The following CNGB1 variants were observed in gnomAD, a reference collection of about 807,000 sequenced individuals.
CNGB1 encodes the protein cyclic nucleotide-gated channel beta-1.
CNGB1 carries 126 observed loss-of-function variants against 151.7 expected under a neutral mutation model. That is an observed-to-expected ratio of 0.83 (90% CI 0.72 to 0.96). The LOEUF is 0.96. CNGB1 is among the 40% of genes least tolerant of loss of function. The pLI is 0.00. For synonymous variants in CNGB1, 623 were observed against 635.1 expected (o/e 0.98, Z 0.29); for missense variants, 1,698 against 1,627.0 (o/e 1.04, Z -0.75).
intron 15 of CNGB1, 44 bp from the exon 16 acceptor site, chr16:57,939,636 C>T (rs1961610401): frequency 3.1e-6 from 5 of 1,613,334 alleles, no homozygotes; most frequent in Middle Eastern, 1.6e-4. Context: ...CCATCAGCCC[C>T]CAGCCCTAGT....
At chr16:57,930,554 G>A (rs1961318126) in intron 17 of CNGB1, among the ~76,000 whole-genome samples, 2 of 133,484 alleles carry the variant, frequency 1.5e-5, no homozygotes, top group Admixed American at 1.5e-4. Context: ...GGGAGAGAGA[G>A]GGGAAGGAGG....
Position 57,950,614 on chromosome 16 carries a change from C to A in CNGB1, c.875-74G>T, listed in dbSNP as rs370794133. On this transcript the variant is annotated intron_variant, in intron 12 of 32. Coordinates refer to ENST00000251102, the MANE Select transcript of CNGB1 (RefSeq NM_001297.5). ...GCTTGGGCCTCTGAGTCCCAGGGAGCCTGCAGGGAGCCCTGGCTGTCGCCA... is the reference window on the plus strand; with the variant it reads ...GCTTGGGCCTCTGAGTCCCAGGGAGACTGCAGGGAGCCCTGGCTGTCGCCA... The A allele has an allele frequency of 2.6e-6, 4 of 1,558,870 alleles. No individual in the cohort carries two copies. The South Asian group carries it at 4.5e-5, about 17-fold the overall frequency.
At chr16:57,960,763 G>A in intron 8 of CNGB1, 77 bp downstream of exon 8, 9 of 1,448,496 alleles carry the variant, frequency 6.2e-6, no homozygotes, top group Non-Finnish European at 7.7e-6. Context: ...ACAGCCTGCT[G>A]GAGGAGGCAG....
At chr16:57,949,669 C>T (rs534806668) in intron 13 of CNGB1, among the ~76,000 whole-genome samples, 1 of 152,186 alleles carries the variant, frequency 6.6e-6, no homozygotes, top group Non-Finnish European at 1.5e-5. Flanking sequence ...GGTGGTGACC[C>T]TAGGTCAGCC....
intron 12 of CNGB1, among the ~76,000 whole-genome samples, chr16:57,951,994 G>A (rs1878694085): frequency 6.6e-6 from 1 of 152,224 alleles, no homozygotes; most frequent in African/African-American, 2.4e-5. Context: ...GGCCAGGGAG[G>A]CTCCTCCAAG....
intron 12 of CNGB1, chr16:57,954,673 G>A: frequency 1.0e-6 from 1 of 983,078 alleles, no homozygotes. Context: ...TGCAATCACA[G>A]GTTTGATGTG....
chr16:57,899,103 T>C (rs1960314105), intron 29 of CNGB1, among the ~76,000 whole-genome samples: 1 of 152,084 alleles, frequency 6.6e-6, no homozygotes, highest in Admixed American at 6.5e-5. Flanking sequence ...CAGCTTGTGG[T>C]GGAGTTGCAC....
intron 31 of CNGB1, among the ~76,000 whole-genome samples, chr16:57,891,799 C>T (rs1483720791): frequency 6.6e-6 from 1 of 152,044 alleles, no homozygotes. Context: ...TCAGGTGATC[C>T]ACCCACCTCA....
At chr16:57,921,912 A>G (rs3784900) in intron 18 of CNGB1, among the ~76,000 whole-genome samples, 23,500 of 152,200 alleles carry the variant, frequency 0.15, 2,048 homozygotes, top group Middle Eastern at 0.31. Context: ...TTTGAGGTCC[A>G]TTTGAGGTCC....
intron 17 of CNGB1, among the ~76,000 whole-genome samples, chr16:57,927,930 C>T (rs767830141): frequency 6.6e-6 from 1 of 152,220 alleles, no homozygotes; most frequent in Non-Finnish European, 1.5e-5. Context: ...GAAACTGTGT[C>T]TCTTTTCTCT....
intron 17 of CNGB1, among the ~76,000 whole-genome samples, chr16:57,928,795 G>A (rs1360975878): frequency 2.0e-5 from 3 of 152,106 alleles, no homozygotes; most frequent in Admixed American, 2.0e-4. Flanking sequence ...GTGCCACCAT[G>A]CCCAGCTAAT....
chr16:57,923,049 C>G, intron 18 of CNGB1: 1 of 428,024 alleles, frequency 2.3e-6, no homozygotes. Context: ...CACTGCTGGC[C>G]GTGGACACAG....
At chr16:57,911,080 G>C (rs777555169) in intron 25 of CNGB1, among the ~76,000 whole-genome samples, 19 of 152,192 alleles carry the variant, frequency 1.2e-4, no homozygotes, top group Non-Finnish European at 2.6e-4. Context: ...CTGGGGAGCT[G>C]TGCTGGGGAG....
At chr16:57,920,906 AT>A (rs1961013575) in intron 18 of CNGB1, among the ~76,000 whole-genome samples, 1 of 152,190 alleles carries the variant, frequency 6.6e-6, no homozygotes, top group Non-Finnish European at 1.5e-5. Flanking sequence ...CAGGGTTCAC[AT>A]GAGATATGTG....
intron 17 of CNGB1, among the ~76,000 whole-genome samples, chr16:57,926,288 T>G (rs547624725): frequency 1.4e-3 from 218 of 152,214 alleles, no homozygotes; most frequent in Non-Finnish European, 2.5e-3. Flanking sequence ...TGAGGGCCAA[T>G]CAGAGAGCTG....
intron 18 of CNGB1, 71 bp downstream of exon 18, chr16:57,923,202 A>T: frequency 8.3e-7 from 1 of 1,211,206 alleles, no homozygotes; most frequent in Non-Finnish European, 1.2e-6. Context: ...AAAAGCATCC[A>T]CACTAGCCCC....
chr16:57,960,959 G>A, intron 7 of CNGB1, 44 bp from the exon 8 acceptor site: 1 of 1,587,806 alleles, frequency 6.3e-7, no homozygotes, highest in Non-Finnish European at 8.6e-7. Flanking sequence ...GAGGGAACCG[G>A]CCAGCGCACT....
At chr16:57,932,426 G>A (rs1301011515) in intron 16 of CNGB1, among the ~76,000 whole-genome samples, 3 of 140,734 alleles carry the variant, frequency 2.1e-5, no homozygotes, top group South Asian at 2.2e-4. Flanking sequence ...TTTTTGAGTC[G>A]GAGTCTCGCT....
In CNGB1 at chr16:57,939,537, T is replaced by C. The variant is rs777433923; in HGVS notation, c.1265A>G (p.Lys422Arg). Reference sequence around the variant, plus strand: ...TTCAGCCACCTCCTCGGCCTCCTCCTTGGCCTTCTCTTCAGCCTCCTTCTT... The same window carrying C: ...TTCAGCCACCTCCTCGGCCTCCTCCCTGGCCTTCTCTTCAGCCTCCTTCTT... ...EAKKEAEEKAKEEAEEVAEEE... is the reference protein window; with the variant it reads ...EAKKEAEEKAREEAEEVAEEE... The change falls in exon 16 of 33, where the codon AAG (lysine) becomes AGG (arginine). Residue 422 changes from lysine to arginine, a missense_variant. Physicochemically the swap from Lys to Arg is conservative, Grantham distance 26. Transcript: ENST00000251102. 7 of 1,613,976 alleles carry C rather than the reference T, an allele frequency of 4.3e-6. No individual in the cohort carries two copies. The highest frequency in any genetic ancestry group is 5.9e-6 in the Non-Finnish European group (7 of 1,179,972).
Sources: allele counts gnomAD v4.1 joint callset (sites outside exome capture counted in the v4.1 genomes callset), GRCh38; gene constraint gnomAD v4.1.1; transcripts MANE v1.5; gene names NCBI Gene and HGNC (gene_info 2026-07-23, HGNC 2026-07-21).